Variants in PRKG1 observed in about 807,000 individuals in gnomAD.
PRKG1 encodes protein kinase cGMP-dependent 1.
Under a neutral mutation model 88.1 loss-of-function variants are expected in PRKG1, and 35 were observed. The observed-to-expected ratio is 0.40, with a 90% CI of 0.30 to 0.53. The LOEUF (loss-of-function observed/expected upper bound fraction) is 0.53. Among genes scored for constraint, PRKG1 ranks in the 20% least tolerant of loss-of-function variants. The pLI is 0.59. For synonymous variants in PRKG1, 303 were observed against 292.5 expected (o/e 1.04, Z -0.37); for missense variants, 540 against 839.8 (o/e 0.64, Z 4.41).
chr10:51,863,873 T>C (rs1203790057), intron 4 of PRKG1, among the ~76,000 whole-genome samples: 1 of 152,214 alleles, frequency 6.6e-6, no homozygotes, highest in Non-Finnish European at 1.5e-5. Flanking sequence ...GTCCTTCAGC[T>C]CTGTTTGCAT....
chr10:51,228,259 G>T (rs1209121268), intron 2 of PRKG1, among the ~76,000 whole-genome samples: 2 of 152,246 alleles, frequency 1.3e-5, no homozygotes, highest in African/African-American at 2.4e-5. Flanking sequence ...ACTTTACTTT[G>T]TAGGAAAGCC....
intron 3 of PRKG1, among the ~76,000 whole-genome samples, chr10:51,718,432 G>T (rs1471819198): frequency 2.0e-5 from 3 of 152,082 alleles, no homozygotes; most frequent in Non-Finnish European, 4.4e-5. Context: ...TGAGATAGAT[G>T]CATCAAGCTA....
chr10:51,940,220 A>G (rs963125700), intron 5 of PRKG1, among the ~76,000 whole-genome samples: 1 of 151,478 alleles, frequency 6.6e-6, no homozygotes, highest in East Asian at 1.9e-4. Flanking sequence ...TTTTCCTTTT[A>G]AACATTTGGG....
intron 1 of PRKG1, among the ~76,000 whole-genome samples, chr10:51,116,693 A>C (rs962530518): frequency 6.6e-6 from 1 of 152,182 alleles, no homozygotes; most frequent in Non-Finnish European, 1.5e-5. Context: ...ATTTCCTCTG[A>C]AATCCCTGGA....
chr10:51,437,866 G>A (rs1251140916), intron 2 of PRKG1, among the ~76,000 whole-genome samples: 5 of 149,652 alleles, frequency 3.3e-5, no homozygotes, highest in African/African-American at 1.2e-4. Flanking sequence ...CAGAGCCAGA[G>A]ATGCTGCTAA....
At chr10:52,227,366 C>A (rs932844892) in intron 9 of PRKG1, among the ~76,000 whole-genome samples, 3 of 152,094 alleles carry the variant, frequency 2.0e-5, no homozygotes, top group African/African-American at 7.2e-5. Context: ...CAACCAACCA[C>A]AAATAAAAAA....
At chr10:52,169,332 C>T (rs1167262287) in intron 9 of PRKG1, among the ~76,000 whole-genome samples, 1 of 152,178 alleles carries the variant, frequency 6.6e-6, no homozygotes, top group Non-Finnish European at 1.5e-5. Flanking sequence ...AAGGCATCAG[C>T]AGATTAAATG....
intron 2 of PRKG1, among the ~76,000 whole-genome samples, chr10:51,170,786 A>T (rs1846684358): frequency 6.6e-6 from 1 of 151,442 alleles, no homozygotes. Context: ...GGAGTTGGGT[A>T]ACAAAACCAA....
intron 4 of PRKG1, among the ~76,000 whole-genome samples, chr10:51,899,603 A>G (rs1452427323): frequency 6.6e-6 from 1 of 150,462 alleles, no homozygotes; most frequent in Non-Finnish European, 1.5e-5. Context: ...GGTTGCAGTG[A>G]GCCCAGATCC....
intron 1 of PRKG1, among the ~76,000 whole-genome samples, chr10:51,125,844 A>C (rs1845383821): frequency 7.1e-6 from 1 of 141,232 alleles, no homozygotes; most frequent in East Asian, 2.0e-4. Context: ...TATATAATTT[A>C]ATTATATAAT....
intron 5 of PRKG1, among the ~76,000 whole-genome samples, chr10:52,002,687 A>T (rs1217267076): frequency 6.6e-6 from 1 of 152,144 alleles, no homozygotes; most frequent in African/African-American, 2.4e-5. Flanking sequence ...TGGACAAAGA[A>T]CTAGGGAAGA....
At chr10:51,011,669 CAAT>C (rs1184604523) in intron 1 of PRKG1, among the ~76,000 whole-genome samples, 1 of 152,078 alleles carries the variant, frequency 6.6e-6, no homozygotes, top group Non-Finnish European at 1.5e-5. Flanking sequence ...CTGTTTTAGT[CAAT>C]AAAGGATTTG....
chr10:52,027,198 G>C (rs1845364232), intron 5 of PRKG1, among the ~76,000 whole-genome samples: 1 of 152,104 alleles, frequency 6.6e-6, no homozygotes, highest in Non-Finnish European at 1.5e-5. Context: ...AATCACTCAA[G>C]TGTACTTGTT....
At chr10:51,908,560 A>G (rs548281919) in intron 5 of PRKG1, 192 of 152,146 alleles carry the variant, frequency 1.3e-3, no homozygotes, top group African/African-American at 4.3e-3. Context: ...TATTTGACTT[A>G]GATTTTTAAC....
chr10:51,093,777 A>ATATATATATTTTATATATATATT, intron 1 of PRKG1, among the ~76,000 whole-genome samples: 1 of 139,542 alleles, frequency 7.2e-6, no homozygotes, highest in East Asian at 2.0e-4. Context: ...ACATATACAT[A>ATATATATATTTTATATATATATT]TATATGTATT....
chr10:52,018,408 C>A (rs1315114705), intron 5 of PRKG1, among the ~76,000 whole-genome samples: 1 of 152,102 alleles, frequency 6.6e-6, no homozygotes, highest in Non-Finnish European at 1.5e-5. Context: ...CATTTTTATA[C>A]ACCAAGATAC....
intron 9 of PRKG1, among the ~76,000 whole-genome samples, chr10:52,167,205 A>G (rs1404054409): frequency 6.6e-6 from 1 of 152,096 alleles, no homozygotes; most frequent in African/African-American, 2.4e-5. Context: ...CAGTCATGGC[A>G]GAAGGCAACA....
At chr10:51,590,786 G>A (rs1838292525) in intron 3 of PRKG1, among the ~76,000 whole-genome samples, 1 of 150,994 alleles carries the variant, frequency 6.6e-6, no homozygotes, top group African/African-American at 2.4e-5. Flanking sequence ...CTTCTCTTCT[G>A]TTCTTCTGTA....
intron 2 of PRKG1, among the ~76,000 whole-genome samples, chr10:51,268,480 A>T (rs1324120175): frequency 1.3e-5 from 2 of 152,104 alleles, no homozygotes; most frequent in Admixed American, 1.3e-4. Context: ...TTTCTCAGGG[A>T]TGTTCCTTGC....
Sources: allele counts gnomAD v4.1 joint callset (sites outside exome capture counted in the v4.1 genomes callset), GRCh38; gene constraint gnomAD v4.1.1; transcripts MANE v1.5; gene names NCBI Gene and HGNC (gene_info 2026-07-23, HGNC 2026-07-21).